Variants in MARK3 observed in about 807,000 individuals in gnomAD.
The protein encoded by MARK3 is microtubule affinity regulating kinase 3.
A neutral mutation model predicts 90.1 loss-of-function variants in MARK3; 46 were observed. The ratio of observed to expected loss-of-function variants is 0.51; its 90% CI spans 0.40 to 0.65. The LOEUF is 0.65. Ranked by LOEUF, MARK3 falls within the 30% of genes least tolerant of loss-of-function variation. The probability of loss-of-function intolerance (pLI) is 0.00; values close to 1 mark genes in which losing one functional copy is unlikely to be tolerated. For synonymous variants in MARK3, 321 were observed against 332.6 expected (o/e 0.97, Z 0.38); for missense variants, 818 against 947.2 (o/e 0.86, Z 1.79).
At chr14:103,486,661 ATG>A (rs1268985058) in intron 14 of MARK3, among the ~76,000 whole-genome samples, 7 of 152,152 alleles carry the variant, frequency 4.6e-5, no homozygotes, top group African/African-American at 1.4e-4. Flanking sequence ...TAGAATATAT[ATG>A]TAGACCATTG....
At chr14:103,428,087 C>T (rs181266708) in intron 2 of MARK3, among the ~76,000 whole-genome samples, 2 of 152,084 alleles carry the variant, frequency 1.3e-5, no homozygotes, top group Admixed American at 1.3e-4. Context: ...AGAATTGTAG[C>T]GGGACAAAGA....
chr14:103,467,975 C>G, intron 11 of MARK3, 58 bp from the exon 12 acceptor site: 7 of 1,566,486 alleles, frequency 4.5e-6, no homozygotes, highest in Non-Finnish European at 6.1e-6. Context: ...GTTTAACTTC[C>G]TAATAAGCCA....
chr14:103,467,163 A>G lies in MARK3; in HGVS notation c.1082A>G (p.Tyr361Cys). 1.3e-6 allele frequency: 2 copies of G among 1,596,632 alleles called. No individual in the cohort carries two copies. The highest frequency in any genetic ancestry group is 1.1e-5 in the South Asian group (1 of 89,516). The change falls in exon 11 of 18, where the codon TAT becomes TGT. Residue 361 changes from tyrosine to cysteine, a missense_variant. By Grantham distance (194) the Tyr-to-Cys change is radical. Coordinates refer to ENST00000429436, the MANE Select transcript of MARK3 (RefSeq NM_001128918.3). ...KMKYDEITAT[Y>C]LLLGRKSSEL... ...AAATACGATGAAATCACAGCTACAT[A>G]TTTGTTATTGGGGAGAAAATCTTCA... is the stretch of plus-strand genomic sequence containing the variant.
chr14:103,437,108 G>T (rs2092734744), intron 3 of MARK3, among the ~76,000 whole-genome samples: 1 of 150,286 alleles, frequency 6.7e-6, no homozygotes, highest in Non-Finnish European at 1.5e-5. Context: ...AAAAAAAATT[G>T]AGAATAAAAC....
intron 13 of MARK3, among the ~76,000 whole-genome samples, chr14:103,477,404 A>G (rs1256783881): frequency 3.9e-5 from 6 of 152,052 alleles, no homozygotes; most frequent in Non-Finnish European, 8.8e-5. Flanking sequence ...AGGCAGGAGA[A>G]TTGCTTTAAC....
chr14:103,424,771 A>G (rs2092345940), intron 2 of MARK3, among the ~76,000 whole-genome samples: 1 of 152,140 alleles, frequency 6.6e-6, no homozygotes, highest in Non-Finnish European at 1.5e-5. Context: ...TGGGAGATCT[A>G]GGTATACCAT....
intron 5 of MARK3, among the ~76,000 whole-genome samples, chr14:103,454,250 G>GTT (rs146508583): frequency 2.1e-5 from 3 of 145,376 alleles, no homozygotes. Context: ...ATTACCTTGG[G>GTT]TTTTTTTTTT....
At chr14:103,395,164 C>G (rs2048184323) in intron 1 of MARK3, among the ~76,000 whole-genome samples, 1 of 152,060 alleles carries the variant, frequency 6.6e-6, no homozygotes, top group South Asian at 2.1e-4. Context: ...GAGTCTAAGA[C>G]TGATCGAGAT....
chr14:103,487,261 G>A (rs1383929919), intron 14 of MARK3, among the ~76,000 whole-genome samples: 2 of 151,532 alleles, frequency 1.3e-5, no homozygotes, highest in African/African-American at 4.8e-5. Flanking sequence ...AGGCCAAGAC[G>A]GGCGGATTGC....
intron 7 of MARK3, 78 bp downstream of exon 7, chr14:103,462,539 G>T: frequency 1.9e-6 from 2 of 1,028,032 alleles, no homozygotes; most frequent in South Asian, 1.7e-5. Context: ...CACAAATGAG[G>T]TATAGATTAG....
intron 5 of MARK3, among the ~76,000 whole-genome samples, chr14:103,454,598 T>C (rs1197550931): frequency 1.3e-5 from 2 of 152,208 alleles, no homozygotes; most frequent in South Asian, 2.1e-4. Flanking sequence ...CCGGGACATA[T>C]GTTTTATTGT....
At chr14:103,408,595 A>C (rs966316522) in intron 2 of MARK3, among the ~76,000 whole-genome samples, 1 of 152,180 alleles carries the variant, frequency 6.6e-6, no homozygotes, top group African/African-American at 2.4e-5. Flanking sequence ...CGTAGCATTC[A>C]TGCCTGCAGC....
In MARK3 at chr14:103,445,351, G is replaced by C. The variant is rs111766660; in HGVS notation, c.298-3568G>C. 1.3e-3 allele frequency among the ~76,000 whole-genome samples: 204 copies of C among 152,282 alleles called. 1 individual carries two copies. Among genetic ancestry groups the C allele is most frequent in the African/African-American group, 4.7e-3 (195 of 41,552 alleles). ...CACAGCAGGCACTAGATAACTGTTA[G>C]CTTCCTGCTTCCTCCCTGTCCTGCT... On this transcript the variant is annotated intron_variant, in intron 3 of 17. Transcript: ENST00000429436.
intron 1 of MARK3, among the ~76,000 whole-genome samples, chr14:103,389,783 A>G: frequency 6.6e-6 from 1 of 151,062 alleles, no homozygotes; most frequent in Non-Finnish European, 1.5e-5. Context: ...GTCTCTACTA[A>G]AAATACAAAA....
rs752580436 is a variant in MARK3 at position 103,458,703 on chromosome 14, A to G, written c.483+1491A>G. 2.2e-5 allele frequency: 15 copies of G among 679,070 alleles called. 1 individual carries two copies. Among genetic ancestry groups the G allele is most frequent in the South Asian group, 8.2e-5 (5 of 60,634 alleles). The allele number at this position is 679,070 out of a possible 1,614,324, so 42.1% of individuals were successfully genotyped here. On this transcript the variant is annotated intron_variant, in intron 6 of 17. Coordinates refer to ENST00000429436, the MANE Select transcript of MARK3 (RefSeq NM_001128918.3). Reference sequence around the variant, plus strand: ...AGCCTCATTTTTTCTTAGAACCTTTATATTTTGTTTTATTCATATACAGGG... The same window carrying G: ...AGCCTCATTTTTTCTTAGAACCTTTGTATTTTGTTTTATTCATATACAGGG...
At chr14:103,408,257 G>C (rs561494663) in intron 2 of MARK3, among the ~76,000 whole-genome samples, 1 of 152,124 alleles carries the variant, frequency 6.6e-6, no homozygotes, top group Non-Finnish European at 1.5e-5. Context: ...CGTGATCTCA[G>C]CTCACTGCAA....
chr14:103,493,037 T>A (rs1051832565), intron 15 of MARK3, among the ~76,000 whole-genome samples: 14 of 152,190 alleles, frequency 9.2e-5, no homozygotes, highest in Non-Finnish European at 1.6e-4. Context: ...AGTAGGAGTC[T>A]TTCCCGAGTC....
At chr14:103,422,306 A>G (rs1466377879) in intron 2 of MARK3, among the ~76,000 whole-genome samples, 2 of 152,160 alleles carry the variant, frequency 1.3e-5, no homozygotes, top group Non-Finnish European at 2.9e-5. Context: ...AAATACAAAA[A>G]TTAGCTGGGC....
At chr14:103,422,186 G>A (rs940103846) in intron 2 of MARK3, among the ~76,000 whole-genome samples, 2 of 152,220 alleles carry the variant, frequency 1.3e-5, no homozygotes, top group African/African-American at 2.4e-5. Flanking sequence ...TGGGTGCAAT[G>A]GCTCATGCCT....
Sources: allele counts gnomAD v4.1 joint callset (sites outside exome capture counted in the v4.1 genomes callset), GRCh38; gene constraint gnomAD v4.1.1; transcripts MANE v1.5; gene names NCBI Gene and HGNC (gene_info 2026-07-23, HGNC 2026-07-21).